Variants in ZNF385B observed in about 807,000 individuals in gnomAD.
The protein encoded by ZNF385B is zinc finger protein 385B.
In ZNF385B, 23 loss-of-function variants were observed where a neutral mutation model predicts 39.2. That is an observed-to-expected ratio of 0.59 (90% CI 0.42 to 0.83). ZNF385B has a LOEUF of 0.83. ZNF385B is among the 40% of genes least tolerant of loss of function. The pLI, the probability that ZNF385B is intolerant of heterozygous loss-of-function variation, is 0.00. For missense variants in ZNF385B, 552 were observed against 598.9 expected, an observed-to-expected ratio of 0.92 and a Z score of 0.82; for synonymous variants, 205 against 222.6, an observed-to-expected ratio of 0.92 and a Z score of 0.70.
At chr2:179,678,250 A>G (rs188116899) in intron 3 of ZNF385B, among the ~76,000 whole-genome samples, 54 of 152,290 alleles carry the variant, frequency 3.5e-4, no homozygotes, top group African/African-American at 1.2e-3. Flanking sequence ...TCCTGTGCCA[A>G]TAACTTTGGC....
intron 3 of ZNF385B, among the ~76,000 whole-genome samples, chr2:179,594,999 A>G (rs532675740): frequency 8.5e-5 from 13 of 152,254 alleles, no homozygotes; most frequent in African/African-American, 2.9e-4. Context: ...CGACTAGAAA[A>G]AAACTTTGTA....
At chr2:179,447,480 A>G (rs2049620400) in intron 6 of ZNF385B, among the ~76,000 whole-genome samples, 1 of 152,194 alleles carries the variant, frequency 6.6e-6, no homozygotes, top group South Asian at 2.1e-4. Flanking sequence ...TAGCTATTAA[A>G]TGCTTATAAT....
chr2:179,595,624 CT>C (rs71029821), intron 3 of ZNF385B, among the ~76,000 whole-genome samples: 119 of 145,620 alleles, frequency 8.2e-4, no homozygotes, highest in Admixed American at 8.9e-4. Flanking sequence ...CCCAGATATT[CT>C]TTTTTTTTTT....
At chr2:179,845,335 A>T (rs1708746736) in intron 1 of ZNF385B, among the ~76,000 whole-genome samples, 1 of 152,242 alleles carries the variant, frequency 6.6e-6, no homozygotes, top group Admixed American at 6.5e-5. Flanking sequence ...AAAAAATTAA[A>T]GAACCAGTGA....
At chr2:179,734,729 G>T (rs1390929362) in intron 3 of ZNF385B, among the ~76,000 whole-genome samples, 1 of 152,098 alleles carries the variant, frequency 6.6e-6, no homozygotes, top group Non-Finnish European at 1.5e-5. Context: ...GAAAGATATT[G>T]TAAAATAAAT....
At chr2:179,591,513 A>G (rs13000199) in intron 3 of ZNF385B, among the ~76,000 whole-genome samples, 23,821 of 152,058 alleles carry the variant, frequency 0.16, 2,235 homozygotes, top group East Asian at 0.24. Context: ...AAGTCATTTA[A>G]TGTTCATCTC....
intron 3 of ZNF385B, among the ~76,000 whole-genome samples, chr2:179,676,959 T>C (rs1027053596): frequency 2.0e-5 from 3 of 152,168 alleles, no homozygotes; most frequent in African/African-American, 7.2e-5. Context: ...AACCCCAGGA[T>C]TTATTAAAAT....
rs759017687 is a variant in ZNF385B, at chr2:179,769,488, G to C, written c.298+15C>G. The C allele has an allele frequency of 4.3e-6, 7 of 1,612,308 alleles. No homozygotes were observed. The African/African-American group carries it at 8.0e-5, about 18-fold the overall frequency. ...TCTCCCCGCAGCACATGGAACCCGG[G>C]ACCCTGCCTCCTACCTGTGCTGCTG... On this transcript the variant is annotated intron_variant, in intron 3 of 9. Transcript: ENST00000410066.
chr2:179,525,241 A>G (rs1281459731), intron 4 of ZNF385B, among the ~76,000 whole-genome samples: 3 of 152,230 alleles, frequency 2.0e-5, no homozygotes, highest in African/African-American at 7.2e-5. Flanking sequence ...GAACTTCTGC[A>G]GTCTGGAAGG....
intron 5 of ZNF385B, among the ~76,000 whole-genome samples, chr2:179,507,943 A>G (rs1477039824): frequency 6.6e-6 from 1 of 152,150 alleles, no homozygotes; most frequent in Admixed American, 6.5e-5. Context: ...CACCACAACT[A>G]AAGTTCATGG....
chr2:179,569,872 A>C (rs2105992085), intron 3 of ZNF385B, among the ~76,000 whole-genome samples: 1 of 152,252 alleles, frequency 6.6e-6, no homozygotes, highest in African/African-American at 2.4e-5. Flanking sequence ...TCCTTTTTGA[A>C]GGGAGTATCT....
At chr2:179,828,452 A>G (rs1707800528) in intron 1 of ZNF385B, among the ~76,000 whole-genome samples, 1 of 152,212 alleles carries the variant, frequency 6.6e-6, no homozygotes, top group Non-Finnish European at 1.5e-5. Flanking sequence ...CTCCTTATTA[A>G]AAGTAAAAAC....
intron 3 of ZNF385B, among the ~76,000 whole-genome samples, chr2:179,756,552 T>A (rs934988637): frequency 1.3e-5 from 2 of 152,228 alleles, no homozygotes; most frequent in African/African-American, 4.8e-5. Flanking sequence ...GAAGTTCTCC[T>A]GGATAATATC....
intron 4 of ZNF385B, among the ~76,000 whole-genome samples, chr2:179,532,930 T>C (rs2059342224): frequency 6.6e-6 from 1 of 152,250 alleles, no homozygotes; most frequent in Non-Finnish European, 1.5e-5. Context: ...TTCAGTGATA[T>C]GAGAGCTGAA....
At chr2:179,797,372 T>A (rs1406661126) in intron 1 of ZNF385B, among the ~76,000 whole-genome samples, 1 of 152,218 alleles carries the variant, frequency 6.6e-6, no homozygotes, top group Non-Finnish European at 1.5e-5. Flanking sequence ...AAGATGTAAA[T>A]TAAAAAATAC....
intron 1 of ZNF385B, among the ~76,000 whole-genome samples, chr2:179,808,244 G>A (rs1454755815): frequency 6.6e-6 from 1 of 152,152 alleles, no homozygotes; most frequent in Non-Finnish European, 1.5e-5. Flanking sequence ...GTGTTAGCCA[G>A]GATGGTCTCG....
intron 4 of ZNF385B, among the ~76,000 whole-genome samples, chr2:179,526,453 G>A (rs1459134235): frequency 6.6e-6 from 1 of 151,870 alleles, no homozygotes; most frequent in African/African-American, 2.4e-5. Context: ...GAATTAGCCA[G>A]GCATGGTGGC....
At chr2:179,775,508 T>C (rs1239285852) in intron 1 of ZNF385B, among the ~76,000 whole-genome samples, 5 of 152,174 alleles carry the variant, frequency 3.3e-5, no homozygotes, top group Admixed American at 6.5e-5. Context: ...CTCATTTTTT[T>C]CCCCAAGTAC....
intron 3 of ZNF385B, among the ~76,000 whole-genome samples, chr2:179,616,534 C>T (rs1467744618): frequency 6.6e-6 from 1 of 151,440 alleles, no homozygotes; most frequent in East Asian, 1.9e-4. Context: ...GGGGCTTTCT[C>T]TAAAAGACAT....
Sources: allele counts gnomAD v4.1 joint callset (sites outside exome capture counted in the v4.1 genomes callset), GRCh38; gene constraint gnomAD v4.1.1; transcripts MANE v1.5; gene names NCBI Gene and HGNC (gene_info 2026-07-23, HGNC 2026-07-21).